The following EYS variants were observed in gnomAD, a reference collection of about 807,000 sequenced individuals.
EYS encodes EGF-like photoreceptor maintenance factor, also known as protein eyes shut homolog.
Under a neutral mutation model 282.1 loss-of-function variants are expected in EYS, and 250 were observed. The ratio of observed to expected loss-of-function variants is 0.89; its 90% CI spans 0.80 to 0.98. The LOEUF (loss-of-function observed/expected upper bound fraction) is 0.98. Ranked by LOEUF, EYS falls within the 50% of genes least tolerant of loss-of-function variation. The pLI is 0.00. For synonymous variants in EYS, 1,355 were observed against 1,282.9 expected (o/e 1.06, Z -1.20); for missense variants, 4,016 against 3,709.0 (o/e 1.08, Z -2.15).
At chr6:63,887,905 C>T (rs1773306503) in intron 35 of EYS, among the ~76,000 whole-genome samples, 1 of 152,220 alleles carries the variant, frequency 6.6e-6, no homozygotes, top group African/African-American at 2.4e-5. Flanking sequence ...GCTTGAAATT[C>T]TTGCTGCCAT....
chr6:64,751,797 T>C (rs1459342612), intron 22 of EYS, among the ~76,000 whole-genome samples: 1 of 152,254 alleles, frequency 6.6e-6, no homozygotes, highest in Non-Finnish European at 1.5e-5. Flanking sequence ...CACAGCCCCA[T>C]ATGTGGCAGC....
chr6:64,820,435 T>C (rs116353337), intron 21 of EYS, among the ~76,000 whole-genome samples: 1,804 of 152,254 alleles, frequency 0.012, 37 homozygotes, highest in African/African-American at 0.04. Flanking sequence ...TTTTAGACAT[T>C]ACTTCAGGCA....
At chr6:65,219,960 A>G (rs1346724527) in intron 12 of EYS, among the ~76,000 whole-genome samples, 1 of 152,016 alleles carries the variant, frequency 6.6e-6, no homozygotes, top group Non-Finnish European at 1.5e-5. Flanking sequence ...CCCACAACAC[A>G]TGGGAATTAT....
chr6:65,420,917 A>G (rs1390118134), intron 5 of EYS, among the ~76,000 whole-genome samples: 2 of 151,820 alleles, frequency 1.3e-5, no homozygotes, highest in African/African-American at 2.4e-5. Flanking sequence ...TGGGCTTAAA[A>G]TATTCACTAA....
intron 2 of EYS, among the ~76,000 whole-genome samples, chr6:65,561,650 A>G (rs1012239703): frequency 6.6e-6 from 1 of 152,122 alleles, no homozygotes; most frequent in African/African-American, 2.4e-5. Flanking sequence ...TGTTTTAGAA[A>G]TTACCACCTT....
intron 12 of EYS, among the ~76,000 whole-genome samples, chr6:65,180,402 T>C (rs1269765308): frequency 2.0e-5 from 3 of 152,062 alleles, no homozygotes; most frequent in East Asian, 3.9e-4. Context: ...AGCATTCTTA[T>C]ACACCAATAA....
rs140738787 is a variant in EYS, at chr6:64,119,339, C to T, written c.6425-37337G>A. ...ACACATTTGAAATAATTTTGGCTTA[C>T]GATACGTATACCACTTGATTGAATT... is the stretch of plus-strand genomic sequence containing the variant. On this transcript the variant is annotated intron_variant, in intron 31 of 42. Transcript: ENST00000503581. Among the ~76,000 whole-genome samples, 19 of 152,204 alleles carry T rather than the reference C, an allele frequency of 1.2e-4. No homozygotes were observed. The South Asian group carries it at 3.3e-3, about 27-fold the overall frequency.
intron 13 of EYS, among the ~76,000 whole-genome samples, chr6:65,051,701 G>T (rs1353337851): frequency 6.6e-6 from 1 of 151,442 alleles, no homozygotes; most frequent in Non-Finnish European, 1.5e-5. Flanking sequence ...CCTCTTGGAT[G>T]AACCTGGAGG....
chr6:65,141,649 GTCTATCTATCTA>G (rs66790325), intron 12 of EYS, among the ~76,000 whole-genome samples: 346 of 131,312 alleles, frequency 2.6e-3, no homozygotes, highest in African/African-American at 6.2e-3. Flanking sequence ...CTGTCTGTCT[GTCTATCTATCTA>G]TCTATCTATC....
intron 22 of EYS, among the ~76,000 whole-genome samples, chr6:64,632,701 T>G (rs1030972108): frequency 1.0e-4 from 1 of 9,646 alleles, no homozygotes; most frequent in Non-Finnish European, 3.6e-4. Context: ...TATTGTAAAC[T>G]TCTATGTTTC....
At chr6:65,225,879 G>A (rs1361604723) in intron 12 of EYS, among the ~76,000 whole-genome samples, 1 of 151,790 alleles carries the variant, frequency 6.6e-6, no homozygotes, top group African/African-American at 2.4e-5. Context: ...ACGAATACAA[G>A]GGAACTTCTT....
chr6:64,836,439 C>CAT (rs1206153217), intron 19 of EYS, among the ~76,000 whole-genome samples: 4 of 151,386 alleles, frequency 2.6e-5, no homozygotes, highest in African/African-American at 9.7e-5. Flanking sequence ...CATACACACA[C>CAT]ATATATTTTT....
intron 26 of EYS, among the ~76,000 whole-genome samples, chr6:64,519,209 T>C (rs144607298): frequency 2.8e-4 from 42 of 151,546 alleles, no homozygotes; most frequent in African/African-American, 9.9e-4. Flanking sequence ...TGGCTCACCT[T>C]TAGAAGAGTA....
rs546036928 is a variant in EYS at position 64,301,696 on chromosome 6, T to C, written c.6191+5274A>G. ...GCCATCTCTGATTACGCAGGCCATG[T>C]AGACCTTGCCCTTCCTGCTGATAAA... is the stretch of plus-strand genomic sequence containing the variant. On this transcript the variant is annotated intron_variant, in intron 30 of 42. Transcript: ENST00000503581. Among the ~76,000 whole-genome samples, 6 of 152,306 alleles carry C rather than the reference T, an allele frequency of 3.9e-5. No individual in the cohort carries two copies. In the South Asian group the frequency reaches 1.0e-3, roughly 26 times the overall value.
chr6:64,808,852 A>G (rs1159426896), intron 22 of EYS, among the ~76,000 whole-genome samples: 2 of 152,138 alleles, frequency 1.3e-5, no homozygotes, highest in African/African-American at 2.4e-5. Context: ...CATGAGAAAA[A>G]TCAGCAATGA....
chr6:64,432,058 G>T (rs575780907), intron 28 of EYS, among the ~76,000 whole-genome samples: 5 of 152,190 alleles, frequency 3.3e-5, no homozygotes, highest in African/African-American at 1.2e-4. Context: ...GTGGATGACT[G>T]TACATAAACA....
chr6:64,911,872 T>G (rs1433649922), intron 16 of EYS, among the ~76,000 whole-genome samples: 2 of 152,130 alleles, frequency 1.3e-5, no homozygotes, highest in Non-Finnish European at 2.9e-5. Context: ...CAAGAAAGTT[T>G]AATGATATAA....
chr6:65,393,055 A>C (rs1766113238), intron 7 of EYS, among the ~76,000 whole-genome samples: 2 of 152,028 alleles, frequency 1.3e-5, no homozygotes, highest in Admixed American at 6.6e-5. Flanking sequence ...CATCATTCTC[A>C]GTAAACTATG....
chr6:65,354,341 T>C (rs559718151), intron 8 of EYS, among the ~76,000 whole-genome samples: 1 of 152,172 alleles, frequency 6.6e-6, no homozygotes, highest in Admixed American at 6.6e-5. Flanking sequence ...TCCCTTGAAT[T>C]TGGCAGAGAA....
Sources: allele counts gnomAD v4.1 joint callset (sites outside exome capture counted in the v4.1 genomes callset), GRCh38; gene constraint gnomAD v4.1.1; transcripts MANE v1.5; gene names NCBI Gene and HGNC (gene_info 2026-07-23, HGNC 2026-07-21).